FABP7: variants seen among roughly 807,000 people sequenced by gnomAD.
FABP7 encodes fatty acid-binding protein, brain.
Under a neutral mutation model 14.2 loss-of-function variants are expected in FABP7, and 13 were observed. The observed-to-expected ratio is 0.91, with a 90% CI of 0.59 to 1.45. FABP7 has a LOEUF of 1.45. Among genes scored for constraint, FABP7 ranks in the 40% most tolerant of loss-of-function variants. The pLI, the probability that FABP7 is intolerant of heterozygous loss-of-function variation, is 0.00. For missense variants in FABP7, 149 were observed against 157.6 expected (o/e 0.95, Z 0.29); for synonymous variants, 49 against 51.4 (o/e 0.95, Z 0.20).
the FABP7 span, among the ~76,000 whole-genome samples, chr6:122,753,208 T>C: frequency 6.6e-6 from 1 of 152,280 alleles, no homozygotes; most frequent in African/African-American, 2.4e-5. Context: ...GGGCTATCTG[T>C]ATTGCTGTGC....
chr6:122,774,570 T>G, the FABP7 span, among the ~76,000 whole-genome samples: 1 of 152,026 alleles, frequency 6.6e-6, no homozygotes. Context: ...TTCTGAATAA[T>G]GTAAAATAAG....
the FABP7 span, among the ~76,000 whole-genome samples, chr6:122,757,779 C>T: frequency 6.6e-6 from 1 of 152,052 alleles, no homozygotes; most frequent in Non-Finnish European, 1.5e-5. Flanking sequence ...TGGCTGGTTC[C>T]TTTAGGGGAG....
the FABP7 span, among the ~76,000 whole-genome samples, chr6:122,771,732 A>G: frequency 6.6e-6 from 1 of 152,366 alleles, no homozygotes; most frequent in African/African-American, 2.4e-5. Context: ...TTAACATGAT[A>G]GGATTAAAGA....
At position 122,783,818 on chromosome 6, in the gene FABP7, C is replaced by A; in HGVS notation, c.*51C>A. The A allele has an allele frequency of 7.0e-7, 1 of 1,433,884 alleles. No individual in the cohort carries two copies. Among genetic ancestry groups the A allele is most frequent in the South Asian group, 1.2e-5 (1 of 84,746 alleles). 88.8% of individuals were successfully genotyped at this position (1,433,884 alleles called of 1,614,324 possible). On this transcript the variant is annotated 3_prime_UTR_variant, in exon 4 of 4. Transcript: ENST00000368444. ...GAGCTCTTCAGTTTTTCTGTTTCCTCAAGTCTCAGTGCTATCCTATTACAA... is the reference window on the plus strand; with the variant it reads ...GAGCTCTTCAGTTTTTCTGTTTCCTAAAGTCTCAGTGCTATCCTATTACAA...
the FABP7 span, among the ~76,000 whole-genome samples, chr6:122,770,257 T>C: frequency 3.3e-5 from 5 of 152,196 alleles, no homozygotes; most frequent in East Asian, 9.7e-4. Flanking sequence ...TCTTGGAAAT[T>C]TATATTTAGA....
At chr6:122,777,763 C>T (rs1026551387), upstream of FABP7, among the ~76,000 whole-genome samples, 2 of 151,890 alleles carry the variant, frequency 1.3e-5, no homozygotes, top group African/African-American at 4.8e-5. Flanking sequence ...GTGGGAGGAT[C>T]ACTTGAGTCG....
the FABP7 span, among the ~76,000 whole-genome samples, chr6:122,757,480 C>T: frequency 1.4e-4 from 22 of 151,964 alleles, no homozygotes; most frequent in South Asian, 3.5e-3. Context: ...ATGCCCTGTC[C>T]TCAGATATTA....
the FABP7 span, among the ~76,000 whole-genome samples, chr6:122,764,228 G>A: frequency 6.6e-6 from 1 of 152,184 alleles, no homozygotes; most frequent in African/African-American, 2.4e-5. Context: ...ATGAGTTCAT[G>A]TCCTTTGTAG....
chr6:122,767,035 T>C, the FABP7 span, among the ~76,000 whole-genome samples: 3 of 152,046 alleles, frequency 2.0e-5, no homozygotes, highest in African/African-American at 7.2e-5. Context: ...CTCAATTATC[T>C]AAGAATAAAT....
Position 122,783,796 on chromosome 6 carries a change from C to T in FABP7, c.*29C>T, listed in dbSNP as rs766490229. On this transcript the variant is annotated 3_prime_UTR_variant, in exon 4 of 4. Coordinates refer to ENST00000368444, the MANE Select transcript of FABP7 (RefSeq NM_001446.5). ...TGTTCCTGGTCGGGGCTTGGAAGAG[C>T]TCTTCAGTTTTTCTGTTTCCTCAAG... 7.6e-6 allele frequency: 12 copies of T among 1,571,108 alleles called. No individual in the cohort carries two copies. The highest frequency in any genetic ancestry group is 8.7e-7 in the Non-Finnish European group (1 of 1,147,908).
At chr6:122,765,024 TATA>T in the FABP7 span, among the ~76,000 whole-genome samples, 1 of 152,168 alleles carries the variant, frequency 6.6e-6, no homozygotes, top group African/African-American at 2.4e-5. Context: ...ATGAAAACAT[TATA>T]ATGAGAATGC....
the FABP7 span, among the ~76,000 whole-genome samples, chr6:122,755,813 C>T: frequency 6.6e-6 from 1 of 151,998 alleles, no homozygotes; most frequent in Non-Finnish European, 1.5e-5. Context: ...GGTGCTGGGT[C>T]TGACCAGCAG....
At chr6:122,762,856 G>A in the FABP7 span, among the ~76,000 whole-genome samples, 1 of 152,226 alleles carries the variant, frequency 6.6e-6, no homozygotes, top group Admixed American at 6.5e-5. Context: ...ACTTCTTCAA[G>A]GGGAACTACA....
chr6:122,755,054 A>G, the FABP7 span, among the ~76,000 whole-genome samples: 1 of 152,012 alleles, frequency 6.6e-6, no homozygotes, highest in Non-Finnish European at 1.5e-5. Context: ...CTACTCCAAA[A>G]GGCTTTAACA....
At chr6:122,779,977 C>A in intron 1 of FABP7, 110 bp downstream of exon 1, 2 of 1,045,062 alleles carry the variant, frequency 1.9e-6, no homozygotes, top group Non-Finnish European at 2.9e-6. Context: ...GATCACATTG[C>A]CCTGATCAGA....
At chr6:122,773,650 T>C in the FABP7 span, among the ~76,000 whole-genome samples, 4 of 152,210 alleles carry the variant, frequency 2.6e-5, no homozygotes, top group Non-Finnish European at 5.9e-5. Context: ...AAGCAGCAAA[T>C]ACTTTGTTAT....
chr6:122,781,978 A>G, intron 3 of FABP7: 1 of 782,744 alleles, frequency 1.3e-6, no homozygotes, highest in Non-Finnish European at 1.5e-6. Flanking sequence ...TCTTGAGCTC[A>G]AAGTGATGCT....
the FABP7 span, among the ~76,000 whole-genome samples, chr6:122,753,643 G>A: frequency 2.0e-5 from 3 of 152,050 alleles, no homozygotes; most frequent in Non-Finnish European, 2.9e-5. Flanking sequence ...TGGATAAAAC[G>A]CCCAGCAAAA....
intron 3 of FABP7, chr6:122,782,594 G>C: frequency 1.0e-6 from 1 of 985,416 alleles, no homozygotes; most frequent in South Asian, 4.7e-5. Flanking sequence ...TGTGTGACCT[G>C]CAATGGTATA....
Sources: gnomAD v4.1 joint callset for allele counts (sites outside exome capture counted in the v4.1 genomes callset) on GRCh38, gnomAD v4.1.1 for gene constraint, MANE v1.5 for transcripts, NCBI Gene and HGNC (gene_info 2026-07-23, HGNC 2026-07-21) for gene names.